Variants in NKAIN2 observed in about 807,000 individuals in gnomAD.
NKAIN2 encodes the protein sodium/potassium-transporting ATPase subunit beta-1-interacting protein 2.
NKAIN2 carries 14 observed loss-of-function variants against 32.6 expected under a neutral mutation model. That is an observed-to-expected ratio of 0.43 (90% confidence interval 0.28 to 0.67). The LOEUF is 0.67. Among genes scored for constraint, NKAIN2 ranks in the 30% least tolerant of loss-of-function variants. The pLI is 0.17. For missense variants in NKAIN2, 198 were observed against 258.3 expected, an observed-to-expected ratio of 0.77 and a Z score of 1.60; for synonymous variants, 80 against 87.2, an observed-to-expected ratio of 0.92 and a Z score of 0.46.
chr6:124,063,239 A>T (rs1422010017), intron 1 of NKAIN2, among the ~76,000 whole-genome samples: 2 of 152,052 alleles, frequency 1.3e-5, no homozygotes, highest in Non-Finnish European at 2.9e-5. Context: ...TATGGAAAAA[A>T]ATTAAAGACT....
intron 1 of NKAIN2, among the ~76,000 whole-genome samples, chr6:124,088,018 C>T (rs1784260256): frequency 6.6e-6 from 1 of 151,926 alleles, no homozygotes; most frequent in Admixed American, 6.6e-5. Flanking sequence ...CGCATTTTTG[C>T]TTTTAGGATT....
chr6:124,775,639 GT>G (rs1174385104), intron 4 of NKAIN2, among the ~76,000 whole-genome samples: 1 of 152,050 alleles, frequency 6.6e-6, no homozygotes, highest in Non-Finnish European at 1.5e-5. Context: ...AAAGTGAATT[GT>G]AATTGCATGT....
chr6:124,023,706 C>G (rs1168582442), intron 1 of NKAIN2, among the ~76,000 whole-genome samples: 1 of 152,094 alleles, frequency 6.6e-6, no homozygotes, highest in African/African-American at 2.4e-5. Flanking sequence ...GTTACCTGTG[C>G]TAAAATACAT....
intron 3 of NKAIN2, among the ~76,000 whole-genome samples, chr6:124,539,461 A>T (rs945899412): frequency 1.3e-5 from 2 of 152,024 alleles, no homozygotes; most frequent in African/African-American, 4.8e-5. Context: ...TTTTGCATGT[A>T]TACAAGTTAA....
intron 1 of NKAIN2, among the ~76,000 whole-genome samples, chr6:123,896,116 G>A (rs560720192): frequency 3.3e-5 from 5 of 152,164 alleles, no homozygotes; most frequent in Non-Finnish European, 5.9e-5. Context: ...AGTCATTAAG[G>A]AAATGTTGTA....
At chr6:123,807,346 G>A (rs577866318) in intron 1 of NKAIN2, among the ~76,000 whole-genome samples, 1 of 152,132 alleles carries the variant, frequency 6.6e-6, no homozygotes, top group African/African-American at 2.4e-5. Flanking sequence ...ATGATCTCTG[G>A]AAACAGATTT....
At chr6:124,339,867 TA>T (rs1211897665) in intron 2 of NKAIN2, among the ~76,000 whole-genome samples, 1 of 152,076 alleles carries the variant, frequency 6.6e-6, no homozygotes, top group Non-Finnish European at 1.5e-5. Flanking sequence ...AGCAATAGAA[TA>T]AAGAGAGTAT....
At chr6:124,729,087 G>C (rs989726773) in intron 4 of NKAIN2, among the ~76,000 whole-genome samples, 11 of 152,100 alleles carry the variant, frequency 7.2e-5, no homozygotes, top group African/African-American at 2.4e-4. Flanking sequence ...ACCAAAAAGA[G>C]TCCAGGACCA....
At chr6:123,993,331 T>TATC (rs1324125338) in intron 1 of NKAIN2, among the ~76,000 whole-genome samples, 32 of 152,196 alleles carry the variant, frequency 2.1e-4, no homozygotes, top group Non-Finnish European at 2.9e-5. Flanking sequence ...ATCAAAATGA[T>TATC]ATCAGCTTTT....
At chr6:123,962,528 G>T (rs538145565) in intron 1 of NKAIN2, among the ~76,000 whole-genome samples, 1 of 152,254 alleles carries the variant, frequency 6.6e-6, no homozygotes, top group East Asian at 1.9e-4. Flanking sequence ...TAACGTTGAG[G>T]AATTTCTACG....
Position 124,535,116 on chromosome 6 carries a change from A to T in NKAIN2, c.274-123070A>T, listed in dbSNP as rs191958607. Among the ~76,000 whole-genome samples the T allele has an allele frequency of 3.3e-5, 5 of 151,662 alleles. No homozygotes were observed. The East Asian group carries it at 7.7e-4, about 23-fold the overall frequency. ...GCGCATTCAATACAGATGCAACCAT[A>T]TTTTTTTTTCTATTTTCAATCCACA... On this transcript the variant is annotated intron_variant, in intron 3 of 6. Transcript: ENST00000368417.
chr6:123,885,369 T>C (rs1296149143), intron 1 of NKAIN2, among the ~76,000 whole-genome samples: 1 of 152,190 alleles, frequency 6.6e-6, no homozygotes, highest in African/African-American at 2.4e-5. Context: ...TATCAGTTGT[T>C]CTGATAGCTC....
intron 3 of NKAIN2, among the ~76,000 whole-genome samples, chr6:124,417,489 CTTAT>C (rs10569310): frequency 0.79 from 118,926 of 151,184 alleles, 47,022 homozygotes; most frequent in African/African-American, 0.85. Context: ...GCTAATCTTG[CTTAT>C]TTATTTATTT....
chr6:124,323,749 G>T (rs1055402249), intron 2 of NKAIN2, among the ~76,000 whole-genome samples: 8 of 146,214 alleles, frequency 5.5e-5, no homozygotes, highest in African/African-American at 2.0e-4. Flanking sequence ...TCTTTTGAAA[G>T]ATTGATTTAG....
At chr6:124,602,662 T>G (rs145155263) in intron 3 of NKAIN2, among the ~76,000 whole-genome samples, 1 of 151,978 alleles carries the variant, frequency 6.6e-6, no homozygotes, top group African/African-American at 2.4e-5. Context: ...ACTTTTTTCT[T>G]TTGTTCTTTG....
chr6:124,139,882 A>C (rs1348843370), intron 1 of NKAIN2, among the ~76,000 whole-genome samples: 1 of 152,178 alleles, frequency 6.6e-6, no homozygotes, highest in African/African-American at 2.4e-5. Flanking sequence ...CCAAGTATTA[A>C]AATAAAAATC....
chr6:124,044,223 T>C (rs79535547), intron 1 of NKAIN2, among the ~76,000 whole-genome samples: 3,159 of 152,164 alleles, frequency 0.021, 119 homozygotes, highest in African/African-American at 0.072. Flanking sequence ...TTTTTAATGG[T>C]TACCATTAAT....
At chr6:124,706,467 G>A in intron 4 of NKAIN2, among the ~76,000 whole-genome samples, 1 of 151,902 alleles carries the variant, frequency 6.6e-6, no homozygotes, top group East Asian at 1.9e-4. Flanking sequence ...TATGTCAGCT[G>A]AGACAGTTTC....
intron 2 of NKAIN2, among the ~76,000 whole-genome samples, chr6:124,314,563 A>G (rs571453717): frequency 1.3e-5 from 2 of 152,194 alleles, no homozygotes; most frequent in Admixed American, 6.5e-5. Context: ...CCTCCTACAA[A>G]GGAGCTCAGG....
Sources: gnomAD v4.1 joint callset for allele counts (sites outside exome capture counted in the v4.1 genomes callset) on GRCh38, gnomAD v4.1.1 for gene constraint, MANE v1.5 for transcripts, NCBI Gene and HGNC (gene_info 2026-07-23, HGNC 2026-07-21) for gene names.